Variants in TSC22D1 observed in about 807,000 individuals in gnomAD.
TSC22D1 encodes the protein TSC22 domain family member 1.
Under a neutral mutation model 74.2 loss-of-function variants are expected in TSC22D1, and 9 were observed. That is an observed-to-expected ratio of 0.12 (90% CI 0.07 to 0.21). The LOEUF is 0.21. Among genes scored for constraint, TSC22D1 ranks in the 10% least tolerant of loss-of-function variants. The probability of loss-of-function intolerance (pLI) is 1.00; values close to 1 mark genes in which losing one functional copy is unlikely to be tolerated. For missense variants in TSC22D1, 1,427 were observed against 1,304.7 expected (o/e 1.09, Z -1.44); for synonymous variants, 586 against 492.5 (o/e 1.19, Z -2.51).
chr13:44,523,407 T>C (rs186600910), intron 1 of TSC22D1, among the ~76,000 whole-genome samples: 16 of 152,264 alleles, frequency 1.1e-4, no homozygotes, highest in African/African-American at 3.4e-4. Flanking sequence ...TGTCCTTCAT[T>C]AGATGATGGA....
chr13:44,540,520 G>T lies in TSC22D1; in HGVS notation c.2912+32643C>A, dbSNP rs116967126. 3.9e-5 allele frequency among the ~76,000 whole-genome samples: 6 copies of T among 152,264 alleles called. No homozygotes were observed. The East Asian group carries it at 5.8e-4, about 15-fold the overall frequency. ...AGCTTATGACTACTGTCACTGAAAA[G>T]ATTTATTCTTCAAGCACTCAGCTTT... On this transcript the variant is annotated intron_variant, in intron 1 of 2. Coordinates refer to ENST00000458659, the MANE Select transcript of TSC22D1 (RefSeq NM_183422.4).
intron 1 of TSC22D1, among the ~76,000 whole-genome samples, chr13:44,456,681 T>A (rs1349908164): frequency 6.6e-6 from 1 of 151,988 alleles, no homozygotes; most frequent in African/African-American, 2.4e-5. Context: ...ACTTGTAAAA[T>A]CCTAAAAGAT....
intron 1 of TSC22D1, among the ~76,000 whole-genome samples, chr13:44,523,539 A>C (rs1880411688): frequency 6.6e-6 from 1 of 152,108 alleles, no homozygotes; most frequent in Non-Finnish European, 1.5e-5. Flanking sequence ...ACACTGCATG[A>C]CTCCAACACT....
At chr13:44,502,843 A>G (rs1475257394) in intron 1 of TSC22D1, among the ~76,000 whole-genome samples, 1 of 152,238 alleles carries the variant, frequency 6.6e-6, no homozygotes, top group Non-Finnish European at 1.5e-5. Context: ...TGTACAGACT[A>G]CACCTTATGA....
chr13:44,501,119 A>C (rs961864738), intron 1 of TSC22D1, among the ~76,000 whole-genome samples: 2 of 152,222 alleles, frequency 1.3e-5, no homozygotes, highest in African/African-American at 4.8e-5. Flanking sequence ...ACCGAAAAGA[A>C]TAGTGATTTG....
At chr13:44,565,484 G>GA (rs36107754) in intron 1 of TSC22D1, among the ~76,000 whole-genome samples, 1 of 151,866 alleles carries the variant, frequency 6.6e-6, no homozygotes, top group Non-Finnish European at 1.5e-5. Context: ...GTGAGACTAG[G>GA]AAAAAAGTTA....
At position 44,575,951 on chromosome 13, in the gene TSC22D1, T is replaced by C. The variant is rs1884204172; in HGVS notation, c.124A>G (p.Asn42Asp). Residue 42 changes from asparagine to aspartate, a missense_variant, in exon 1 of 3, where the codon AAT becomes GAT. This residue lies in a region of TSC22D1 where 1,343 missense variants were observed against 1,191.5 expected (regional missense o/e 1.13). Coordinates refer to ENST00000458659, the MANE Select transcript of TSC22D1 (RefSeq NM_183422.4). Reference sequence around the variant, plus strand: ...CTACCGACGCCGGTACCTGCTGCATTGAGAGCAGAGGCGCTGCCACTACCG... The same window carrying C: ...CTACCGACGCCGGTACCTGCTGCATCGAGAGCAGAGGCGCTGCCACTACCG... ...GSGSGSASAL[N>D]AAGTGVGSNA... 4.3e-6 allele frequency: 7 copies of C among 1,610,054 alleles called. No homozygotes were observed. The Admixed American group carries it at 8.4e-5, about 19-fold the overall frequency.
chr13:44,568,655 A>C (rs1461400750), intron 1 of TSC22D1, among the ~76,000 whole-genome samples: 1 of 152,170 alleles, frequency 6.6e-6, no homozygotes, highest in African/African-American at 2.4e-5. Flanking sequence ...CAAATCTCTA[A>C]TCAGCTCTTT....
At chr13:44,449,340 AAAG>A (rs1370233739) in intron 1 of TSC22D1, among the ~76,000 whole-genome samples, 2 of 152,252 alleles carry the variant, frequency 1.3e-5, no homozygotes, top group Admixed American at 6.5e-5. Flanking sequence ...GAATGTGCCT[AAAG>A]AAGATTTTCA....
intron 1 of TSC22D1, among the ~76,000 whole-genome samples, chr13:44,534,470 T>C (rs1881036668): frequency 6.6e-6 from 1 of 151,970 alleles, no homozygotes; most frequent in South Asian, 2.1e-4. Context: ...CTTTATTGAG[T>C]AAATTACACT....
intron 1 of TSC22D1, among the ~76,000 whole-genome samples, chr13:44,482,633 T>G (rs185105586): frequency 6.6e-6 from 1 of 152,254 alleles, no homozygotes; most frequent in African/African-American, 2.4e-5. Context: ...GACTCAACTT[T>G]GTTGTTTCTG....
At chr13:44,462,621 T>C (rs975173495) in intron 1 of TSC22D1, among the ~76,000 whole-genome samples, 68 of 152,280 alleles carry the variant, frequency 4.5e-4, no homozygotes, top group African/African-American at 1.3e-3. Context: ...AAACAAATCT[T>C]ATACAATATC....
chr13:44,509,181 C>T (rs537155110), intron 1 of TSC22D1, among the ~76,000 whole-genome samples: 1 of 152,240 alleles, frequency 6.6e-6, no homozygotes, highest in South Asian at 2.1e-4. Context: ...AGTACCCCCC[C>T]CAAAATGGTG....
chr13:44,560,336 C>A lies in TSC22D1; in HGVS notation c.2912+12827G>T, dbSNP rs537864792. On this transcript the variant is annotated intron_variant, in intron 1 of 2. Coordinates refer to ENST00000458659, the MANE Select transcript of TSC22D1 (RefSeq NM_183422.4). ...AAATTGGGGGGGGATCTTCATTATA[C>A]CTAAACATCTAAATCATTAAATGTC... Among the ~76,000 whole-genome samples the A allele has an allele frequency of 5.9e-5, 9 of 152,136 alleles. No homozygotes were observed. In the East Asian group the frequency reaches 1.7e-3, roughly 29 times the overall value.
In TSC22D1 at chr13:44,575,664, G is replaced by C; in HGVS notation, c.411C>G (p.Ser137Arg). The change falls in exon 1 of 3, where the codon AGC (serine) becomes AGG (arginine). Residue 137 changes from serine (S) to arginine (R), a missense_variant. This residue lies in a region of TSC22D1 where 1,343 missense variants were observed against 1,191.5 expected (regional missense o/e 1.13). Transcript: ENST00000458659. ...SNNSIAEDTE[S>R]YDDLDESHTE... ...TGTGAGATTCATCCAGATCATCATAGCTCTCAGTGTCCTCTGCTATACTGT... is the reference window on the plus strand; with the variant it reads ...TGTGAGATTCATCCAGATCATCATACCTCTCAGTGTCCTCTGCTATACTGT... The C allele has an allele frequency of 6.2e-7, 1 of 1,614,214 alleles. No individual in the cohort carries two copies. Among genetic ancestry groups the C allele is most frequent in the East Asian group, 2.2e-5 (1 of 44,882 alleles).
chr13:44,504,110 A>G (rs555673854), intron 1 of TSC22D1, among the ~76,000 whole-genome samples: 1 of 151,490 alleles, frequency 6.6e-6, no homozygotes, highest in African/African-American at 2.4e-5. Flanking sequence ...TGTCAGACCC[A>G]TCAAAGCCCC....
intron 1 of TSC22D1, among the ~76,000 whole-genome samples, chr13:44,449,156 C>T (rs1050310249): frequency 1.3e-5 from 2 of 152,144 alleles, no homozygotes; most frequent in African/African-American, 4.8e-5. Flanking sequence ...ACTGGCCCTC[C>T]ACAGCTTCCT....
intron 1 of TSC22D1, among the ~76,000 whole-genome samples, chr13:44,456,090 G>A (rs1419057897): frequency 1.3e-5 from 2 of 152,136 alleles, no homozygotes; most frequent in African/African-American, 2.4e-5. Context: ...TCCTTCCCGT[G>A]GGTTGTTGGT....
intron 1 of TSC22D1, among the ~76,000 whole-genome samples, chr13:44,472,319 A>G (rs566949931): frequency 7.7e-4 from 117 of 152,284 alleles, no homozygotes; most frequent in African/African-American, 2.7e-3. Flanking sequence ...GAATTCTTCT[A>G]TTTAACAAAT....
Sources: allele counts gnomAD v4.1 joint callset (sites outside exome capture counted in the v4.1 genomes callset), GRCh38; gene constraint gnomAD v4.1.1; regional missense constraint gnomAD v4.1.1; transcripts MANE v1.5; gene names NCBI Gene and HGNC (gene_info 2026-07-23, HGNC 2026-07-21).